Variants in TUSC3 observed in about 807,000 individuals in gnomAD.
TUSC3 encodes dolichyl-diphosphooligosaccharide--protein glycosyltransferase subunit TUSC3.
TUSC3 carries 45 observed loss-of-function variants against 44.8 expected under a neutral mutation model. The ratio of observed to expected loss-of-function variants is 1.00; its 90% CI spans 0.79 to 1.29. The LOEUF (loss-of-function observed/expected upper bound fraction) is 1.29. TUSC3 is among the 50% of genes most tolerant of loss of function. TUSC3 has a pLI of 0.00. For synonymous variants in TUSC3, 212 were observed against 152.9 expected, an observed-to-expected ratio of 1.39 and a Z score of -2.85; for missense variants, 519 against 437.9, an observed-to-expected ratio of 1.19 and a Z score of -1.65.
chr8:15,829,616 T>G, the TUSC3 span, among the ~76,000 whole-genome samples: 1 of 152,232 alleles, frequency 6.6e-6, no homozygotes, highest in Non-Finnish European at 1.5e-5. Context: ...TTTAATTTTT[T>G]ATTAGTTTAT....
At chr8:15,703,492 C>T (rs955241361) in intron 6 of TUSC3, among the ~76,000 whole-genome samples, 1 of 151,984 alleles carries the variant, frequency 6.6e-6, no homozygotes, top group Non-Finnish European at 1.5e-5. Flanking sequence ...GCCTTGTTGT[C>T]TTTGGCCATT....
intron 1 of TUSC3, among the ~76,000 whole-genome samples, chr8:15,562,595 G>T (rs1802518016): frequency 6.6e-6 from 1 of 152,136 alleles, no homozygotes; most frequent in Admixed American, 6.6e-5. Flanking sequence ...ATTAAGGTGA[G>T]ACCGGGTTGC....
intron 2 of TUSC3, among the ~76,000 whole-genome samples, chr8:15,487,743 T>G (rs1429832724): frequency 6.6e-6 from 1 of 152,204 alleles, no homozygotes; most frequent in Non-Finnish European, 1.5e-5. Flanking sequence ...AACATCCAAT[T>G]AGCCTATTAT....
the TUSC3 span, among the ~76,000 whole-genome samples, chr8:15,843,996 C>T: frequency 6.6e-6 from 1 of 152,198 alleles, no homozygotes; most frequent in South Asian, 2.1e-4. Flanking sequence ...TCTACCAAAT[C>T]TTTCAGAATT....
At chr8:15,800,893 C>T in the TUSC3 span, among the ~76,000 whole-genome samples, 1 of 152,164 alleles carries the variant, frequency 6.6e-6, no homozygotes, top group South Asian at 2.1e-4. Flanking sequence ...TCTGAAAACT[C>T]CAAGCAATAT....
At chr8:15,833,753 C>G in the TUSC3 span, among the ~76,000 whole-genome samples, 608 of 151,950 alleles carry the variant, frequency 4.0e-3, 4 homozygotes, top group African/African-American at 0.014. Flanking sequence ...GCTTAATACC[C>G]GGGTGACAAA....
chr8:15,797,678 T>C, the TUSC3 span, among the ~76,000 whole-genome samples: 1 of 152,038 alleles, frequency 6.6e-6, no homozygotes, highest in East Asian at 1.9e-4. Context: ...AGTCGGGGAG[T>C]ACAGCAACCA....
intron 2 of TUSC3, among the ~76,000 whole-genome samples, chr8:15,625,989 G>T (rs1171375579): frequency 6.6e-6 from 1 of 152,230 alleles, no homozygotes; most frequent in Non-Finnish European, 1.5e-5. Flanking sequence ...GATGGCAGCA[G>T]CGGGCCATCC....
intron 6 of TUSC3, among the ~76,000 whole-genome samples, chr8:15,713,960 A>G (rs1218279572): frequency 6.6e-6 from 1 of 152,178 alleles, no homozygotes; most frequent in African/African-American, 2.4e-5. Flanking sequence ...AAAGTACTTA[A>G]GCAAATACCA....
chr8:15,513,806 C>T (rs1271675526), intron 2 of TUSC3, among the ~76,000 whole-genome samples: 5 of 152,172 alleles, frequency 3.3e-5, no homozygotes, highest in Non-Finnish European at 7.3e-5. Context: ...GCCAACTGCA[C>T]TTATATCTCA....
At chr8:15,705,075 A>T (rs886234196) in intron 6 of TUSC3, among the ~76,000 whole-genome samples, 22 of 151,124 alleles carry the variant, frequency 1.5e-4, no homozygotes, top group African/African-American at 5.4e-4. Flanking sequence ...TTGTATTTTC[A>T]TGACCCATTT....
At chr8:15,554,546 A>G (rs1802169853) in intron 1 of TUSC3, among the ~76,000 whole-genome samples, 1 of 150,118 alleles carries the variant, frequency 6.7e-6, no homozygotes, top group Non-Finnish European at 1.5e-5. Context: ...AGTGCACTAT[A>G]GTCTAACCTA....
At chr8:15,752,419 G>GAT (rs893018877) in intron 9 of TUSC3, among the ~76,000 whole-genome samples, 13 of 151,678 alleles carry the variant, frequency 8.6e-5, no homozygotes, top group Non-Finnish European at 1.6e-4. Flanking sequence ...TGAAAAGGAA[G>GAT]ATATATACAC....
intron 2 of TUSC3, among the ~76,000 whole-genome samples, chr8:15,487,448 C>A (rs905705345): frequency 4.6e-5 from 7 of 152,120 alleles, no homozygotes; most frequent in African/African-American, 1.7e-4. Context: ...CTGACAGTGG[C>A]CAAAGTCTAT....
intron 2 of TUSC3, among the ~76,000 whole-genome samples, chr8:15,485,008 G>A (rs539735238): frequency 2.0e-5 from 3 of 152,216 alleles, no homozygotes; most frequent in Non-Finnish European, 4.4e-5. Flanking sequence ...TCTTTTCTAT[G>A]TATCAGTGAA....
At chr8:15,592,395 A>C (rs138854739) in intron 1 of TUSC3, among the ~76,000 whole-genome samples, 1 of 152,156 alleles carries the variant, frequency 6.6e-6, no homozygotes, top group African/African-American at 2.4e-5. Flanking sequence ...TGTGATCCCA[A>C]TGTTGGAGGT....
At chr8:15,494,322 T>TC (rs1243909329) in intron 2 of TUSC3, among the ~76,000 whole-genome samples, 4 of 148,358 alleles carry the variant, frequency 2.7e-5, no homozygotes, top group Non-Finnish European at 6.0e-5. Flanking sequence ...CTCATCTTCT[T>TC]TTTTTTTTTT....
At chr8:15,573,615 G>C (rs1489912773) in intron 1 of TUSC3, among the ~76,000 whole-genome samples, 2 of 151,970 alleles carry the variant, frequency 1.3e-5, no homozygotes, top group Non-Finnish European at 2.9e-5. Context: ...CAGTGGGTTG[G>C]TGTCACAGCT....
intron 2 of TUSC3, among the ~76,000 whole-genome samples, chr8:15,507,412 T>A (rs1801071616): frequency 4.6e-5 from 7 of 152,162 alleles, no homozygotes; most frequent in Admixed American, 4.6e-4. Flanking sequence ...AATAAAGAAC[T>A]GCACAGTTGA....
Sources: allele counts gnomAD v4.1 joint callset (sites outside exome capture counted in the v4.1 genomes callset), GRCh38; gene constraint gnomAD v4.1.1; transcripts MANE v1.5; gene names NCBI Gene and HGNC (gene_info 2026-07-23, HGNC 2026-07-21).